Variants in ITPR2 observed in about 807,000 individuals in gnomAD.
ITPR2 encodes inositol 1,4,5-trisphosphate receptor type 2.
In ITPR2, 207 loss-of-function variants were observed where a neutral mutation model predicts 317.1. The ratio of observed to expected loss-of-function variants is 0.65; its 90% confidence interval spans 0.58 to 0.73. The LOEUF is 0.73. Ranked by LOEUF, ITPR2 falls within the 30% of genes least tolerant of loss-of-function variation. The pLI is 0.00. For missense variants in ITPR2, 2,613 were observed against 3,284.0 expected (o/e 0.80, Z 4.99); for synonymous variants, 1,156 against 1,149.1 (o/e 1.01, Z -0.12).
intron 55 of ITPR2, among the ~76,000 whole-genome samples, chr12:26,347,648 T>C (rs1382539046): frequency 1.3e-5 from 2 of 152,228 alleles, no homozygotes; most frequent in East Asian, 1.9e-4. Flanking sequence ...GAGATATCTA[T>C]GCTTAGCTTC....
intron 55 of ITPR2, among the ~76,000 whole-genome samples, chr12:26,346,458 G>A (rs575356833): frequency 1.3e-4 from 20 of 152,074 alleles, no homozygotes; most frequent in Non-Finnish European, 2.2e-4. Context: ...CCCTGCCTCT[G>A]CTAAAATTAC....
intron 1 of ITPR2, among the ~76,000 whole-genome samples, chr12:26,817,810 A>G (rs1950884934): frequency 6.6e-6 from 1 of 151,734 alleles, no homozygotes; most frequent in South Asian, 2.1e-4. Context: ...GTATGGTCCA[A>G]GATGCCATTT....
intron 1 of ITPR2, among the ~76,000 whole-genome samples, chr12:26,802,974 T>C (rs1185138758): frequency 6.6e-6 from 1 of 152,208 alleles, no homozygotes; most frequent in African/African-American, 2.4e-5. Context: ...TATATTCTTT[T>C]TGAGCATATA....
rs796097978 is a variant in ITPR2, at chr12:26,649,838, T to C, written c.2740+4138A>G. ...ATAGATAGATAGACAGACAGACAGA[T>C]AGATAACCTGGCTGTTTCTCCTATT... On this transcript the variant is annotated intron_variant, in intron 21 of 56. Transcript: ENST00000381340. 5.4e-4 allele frequency among the ~76,000 whole-genome samples: 80 copies of C among 148,038 alleles called. No homozygotes were observed. In the East Asian group the frequency reaches 5.9e-3, roughly 11 times the overall value.
chr12:26,431,643 C>T (rs2136709956), intron 48 of ITPR2, among the ~76,000 whole-genome samples: 1 of 152,322 alleles, frequency 6.6e-6, no homozygotes, highest in Admixed American at 6.5e-5. Context: ...GAGTGCCCAA[C>T]AGGCTGGTCC....
Position 26,502,610 on chromosome 12 carries a change from G to A in ITPR2, c.5074-7350C>T, listed in dbSNP as rs76493679. Among the ~76,000 whole-genome samples, 611 of 152,266 alleles carry A rather than the reference G, an allele frequency of 4.0e-3. 12 individuals are homozygous for A. Among genetic ancestry groups the A allele is most frequent in the Admixed American group, 0.027 (410 of 15,282 alleles). On this transcript the variant is annotated intron_variant, in intron 37 of 56. Transcript: ENST00000381340. Reference sequence around the variant, plus strand: ...TGCTCACCAAAGACTGGGGAAAATGGAACTTCAAGAGGTAATTTCAAAGCT... The same window carrying A: ...TGCTCACCAAAGACTGGGGAAAATGAAACTTCAAGAGGTAATTTCAAAGCT...
In ITPR2 at chr12:26,525,342, A is replaced by C. The variant is rs183182185; in HGVS notation, c.5073+24905T>G. Among the ~76,000 whole-genome samples the C allele has an allele frequency of 3.5e-3, 539 of 152,312 alleles. 3 individuals carry two copies. Among genetic ancestry groups the C allele is most frequent in the African/African-American group, 0.012 (513 of 41,570 alleles). Reference sequence around the variant, plus strand: ...GTATGGGATTTATGACAGACATATAAAGTATATCCTTGTTAAGTAAACAGA... The same window carrying C: ...GTATGGGATTTATGACAGACATATACAGTATATCCTTGTTAAGTAAACAGA... On this transcript the variant is annotated intron_variant, in intron 37 of 56. Transcript: ENST00000381340.
At chr12:26,543,600 C>G (rs1944317000) in intron 37 of ITPR2, among the ~76,000 whole-genome samples, 1 of 152,054 alleles carries the variant, frequency 6.6e-6, no homozygotes, top group Non-Finnish European at 1.5e-5. Context: ...ATGGTGAAAC[C>G]CTGTTTCTAC....
At chr12:26,346,468 C>T (rs1280832425) in intron 55 of ITPR2, among the ~76,000 whole-genome samples, 1 of 152,042 alleles carries the variant, frequency 6.6e-6, no homozygotes, top group East Asian at 1.9e-4. Context: ...GCTAAAATTA[C>T]AAAAATTAGC....
chr12:26,637,013 T>G (rs917757075), intron 21 of ITPR2, among the ~76,000 whole-genome samples: 1 of 152,206 alleles, frequency 6.6e-6, no homozygotes, highest in Non-Finnish European at 1.5e-5. Context: ...CAATTAAAAC[T>G]GTGTACTGAA....
chr12:26,683,688 G>A (rs1948078264), intron 11 of ITPR2, among the ~76,000 whole-genome samples: 1 of 152,124 alleles, frequency 6.6e-6, no homozygotes, highest in Non-Finnish European at 1.5e-5. Context: ...TAGGAACAAT[G>A]GTTCAGTATT....
At chr12:26,539,239 G>A (rs1384475752) in intron 37 of ITPR2, among the ~76,000 whole-genome samples, 1 of 152,148 alleles carries the variant, frequency 6.6e-6, no homozygotes, top group East Asian at 1.9e-4. Flanking sequence ...GAGCAGTTCA[G>A]AACACCAATT....
chr12:26,368,754 C>G (rs1282267052), intron 55 of ITPR2, among the ~76,000 whole-genome samples: 1 of 152,188 alleles, frequency 6.6e-6, no homozygotes, highest in Admixed American at 6.5e-5. Flanking sequence ...TTACTAAGCG[C>G]CCACTATGTG....
chr12:26,438,927 T>C lies in ITPR2; in HGVS notation c.6643+200A>G, dbSNP rs190690945. On this transcript the variant is annotated intron_variant, in intron 47 of 56. Transcript: ENST00000381340. The stretch of plus-strand genomic sequence containing the variant: ...AAGAGTCGATGTAATTAGTTAGGGC[T>C]TTCTGTTTTCCTTAAGCTGCGGGTG... Among the ~76,000 whole-genome samples the C allele has an allele frequency of 3.9e-5, 6 of 152,300 alleles. No homozygotes were observed. The East Asian group carries it at 1.2e-3, about 29-fold the overall frequency.
chr12:26,701,047 C>T (rs1170932238), intron 9 of ITPR2, among the ~76,000 whole-genome samples: 1 of 152,086 alleles, frequency 6.6e-6, no homozygotes, highest in Non-Finnish European at 1.5e-5. Flanking sequence ...CAGTGAGTAA[C>T]AGAGAGAGAA....
intron 2 of ITPR2, among the ~76,000 whole-genome samples, chr12:26,774,175 C>A (rs929479148): frequency 6.6e-6 from 1 of 151,908 alleles, no homozygotes; most frequent in Non-Finnish European, 1.5e-5. Flanking sequence ...ATACTGACAC[C>A]TGTGAACTTA....
At chr12:26,736,474 C>T (rs1308203600) in intron 2 of ITPR2, among the ~76,000 whole-genome samples, 2 of 152,074 alleles carry the variant, frequency 1.3e-5, no homozygotes, top group East Asian at 3.8e-4. Context: ...TACTTTGGTA[C>T]ATGATAGAGA....
At chr12:26,634,648 G>A (rs937313538) in intron 21 of ITPR2, among the ~76,000 whole-genome samples, 2 of 152,102 alleles carry the variant, frequency 1.3e-5, no homozygotes, top group Non-Finnish European at 2.9e-5. Context: ...CACTTTGGGA[G>A]GCCAAGGCGG....
rs187609831 is a variant in ITPR2, at chr12:26,491,394, A to G, written c.5370+2759T>C. ...GCTACTCGGGAGGCTGAGGAAGGAGAATGGCGTGAACCCAGGAGGCGGAGT... is the reference window on the plus strand; with the variant it reads ...GCTACTCGGGAGGCTGAGGAAGGAGGATGGCGTGAACCCAGGAGGCGGAGT... On this transcript the variant is annotated intron_variant, in intron 39 of 56. Coordinates refer to ENST00000381340, the MANE Select transcript of ITPR2 (RefSeq NM_002223.4). Among the ~76,000 whole-genome samples, 418 of 146,840 alleles carry G rather than the reference A, an allele frequency of 2.8e-3. 2 individuals are homozygous for G. The highest frequency in any genetic ancestry group is 3.7e-3 in the Non-Finnish European group (251 of 67,336).
Sources: gnomAD v4.1 joint callset for allele counts (sites outside exome capture counted in the v4.1 genomes callset) on GRCh38, gnomAD v4.1.1 for gene constraint, MANE v1.5 for transcripts, NCBI Gene and HGNC (gene_info 2026-07-23, HGNC 2026-07-21) for gene names.